The following NFIB variants were observed in gnomAD, a reference collection of about 807,000 sequenced individuals.
NFIB encodes nuclear factor 1 B-type.
In NFIB, 11 loss-of-function variants were observed where a neutral mutation model predicts 61.5. That is an observed-to-expected ratio of 0.18 (90% CI 0.11 to 0.30). NFIB has a LOEUF of 0.30. Among genes scored for constraint, NFIB ranks in the 10% least tolerant of loss-of-function variants. The pLI, the probability that NFIB is intolerant of heterozygous loss-of-function variation, is 1.00. For missense variants in NFIB, 471 were observed against 608.9 expected, an observed-to-expected ratio of 0.77 and a Z score of 2.38; for synonymous variants, 260 against 216.5, an observed-to-expected ratio of 1.20 and a Z score of -1.76.
intron 1 of NFIB, chr9:14,322,230 C>T (rs1381407149): frequency 1.1e-5 from 8 of 758,034 alleles, no homozygotes; most frequent in Non-Finnish European, 1.4e-5. Context: ...GTCTGGATTT[C>T]CAGCTTTCTT....
intron 2 of NFIB, among the ~76,000 whole-genome samples, chr9:14,254,181 G>A (rs1428107994): frequency 6.6e-6 from 1 of 151,930 alleles, no homozygotes; most frequent in African/African-American, 2.4e-5. Flanking sequence ...CACACCTGTA[G>A]TCCCAGCTAC....
intron 1 of NFIB, among the ~76,000 whole-genome samples, chr9:14,383,029 A>G (rs1188357553): frequency 1.3e-5 from 2 of 152,190 alleles, no homozygotes; most frequent in South Asian, 2.1e-4. Context: ...CTTGGCCTCA[A>G]TAAAACCAGT....
At chr9:14,460,694 G>A in the NFIB span, among the ~76,000 whole-genome samples, 1 of 152,094 alleles carries the variant, frequency 6.6e-6, no homozygotes, top group Non-Finnish European at 1.5e-5. Flanking sequence ...TTAGTATGCA[G>A]ATAATCCATT....
chr9:14,158,760 T>C (rs976502382), intron 3 of NFIB, among the ~76,000 whole-genome samples: 1 of 152,228 alleles, frequency 6.6e-6, no homozygotes, highest in African/African-American at 2.4e-5. Context: ...TTTAGGCTTT[T>C]GGGTCACATG....
At chr9:14,474,699 A>G in the NFIB span, among the ~76,000 whole-genome samples, 3 of 152,210 alleles carry the variant, frequency 2.0e-5, no homozygotes, top group Admixed American at 2.0e-4. Flanking sequence ...CTTTTAAAAT[A>G]CAGTGGGGGA....
At chr9:14,142,724 G>C (rs1236835411) in intron 6 of NFIB, among the ~76,000 whole-genome samples, 1 of 152,086 alleles carries the variant, frequency 6.6e-6, no homozygotes, top group Admixed American at 6.6e-5. Context: ...TGTTCAACTT[G>C]CCTGTTGACA....
chr9:14,207,397 T>G (rs577198264), intron 2 of NFIB, among the ~76,000 whole-genome samples: 1 of 151,414 alleles, frequency 6.6e-6, no homozygotes, highest in African/African-American at 2.4e-5. Flanking sequence ...AAGCCTCCCT[T>G]GAGTGGAGGC....
chr9:14,423,513 TAC>T, the NFIB span, among the ~76,000 whole-genome samples: 1 of 152,230 alleles, frequency 6.6e-6, no homozygotes, highest in Non-Finnish European at 1.5e-5. Context: ...CTTCTCTATT[TAC>T]ACAGGACAGA....
Position 14,087,817 on chromosome 9 carries a change from G to C in NFIB, c.*492C>G, listed in dbSNP as rs897021957. ...TTCGTTGGTGAGATAACCAGGAATAGTGATTCCATGCGTAAACAACAAGAA... is the reference window on the plus strand; with the variant it reads ...TTCGTTGGTGAGATAACCAGGAATACTGATTCCATGCGTAAACAACAAGAA... On this transcript the variant is annotated 3_prime_UTR_variant, in exon 11 of 11. Transcript: ENST00000380953. The C allele has an allele frequency of 9.0e-6, 2 of 222,260 alleles. No homozygotes were observed. The highest frequency in any genetic ancestry group is 6.5e-5 in the East Asian group (1 of 15,268). The allele number at this position is 222,260 out of a possible 1,614,324, so 13.8% of individuals were successfully genotyped here. A position where few individuals can be genotyped will look rare whatever the true frequency, so the allele number is the denominator to read the frequency against.
chr9:14,187,460 C>T (rs968241211), intron 2 of NFIB, among the ~76,000 whole-genome samples: 9 of 152,192 alleles, frequency 5.9e-5, no homozygotes, highest in Admixed American at 3.3e-4. Context: ...TTAAAATATA[C>T]GTTTGATTTA....
chr9:14,269,015 G>C (rs1016929841), intron 2 of NFIB, among the ~76,000 whole-genome samples: 3 of 152,056 alleles, frequency 2.0e-5, no homozygotes, highest in African/African-American at 7.2e-5. Context: ...ATTGTTTCAT[G>C]TAGTCCTTGT....
At chr9:14,372,089 G>A (rs1312586377) in intron 1 of NFIB, among the ~76,000 whole-genome samples, 1 of 151,812 alleles carries the variant, frequency 6.6e-6, no homozygotes, top group East Asian at 1.9e-4. Flanking sequence ...CGCACCATCT[G>A]AATGTCAGCC....
chr9:14,165,527 G>A (rs1563854067), intron 3 of NFIB, among the ~76,000 whole-genome samples: 1 of 152,142 alleles, frequency 6.6e-6, no homozygotes, highest in Non-Finnish European at 1.5e-5. Context: ...AAAGTCATAT[G>A]ACCATATCAA....
chr9:14,512,174 C>G, the NFIB span, among the ~76,000 whole-genome samples: 1 of 152,068 alleles, frequency 6.6e-6, no homozygotes, highest in Non-Finnish European at 1.5e-5. Context: ...GCGCTGGTCC[C>G]AAGATATGAT....
chr9:14,403,175 C>T (rs1466457280), upstream of NFIB, among the ~76,000 whole-genome samples: 1 of 152,174 alleles, frequency 6.6e-6, no homozygotes, highest in African/African-American at 2.4e-5. Flanking sequence ...ATACAGGCAC[C>T]TGGCTCTGCA....
the NFIB span, among the ~76,000 whole-genome samples, chr9:14,450,824 A>G: frequency 6.6e-6 from 1 of 152,258 alleles, no homozygotes; most frequent in Non-Finnish European, 1.5e-5. Flanking sequence ...AGATTCTCAT[A>G]TATTTCAGTT....
intron 2 of NFIB, among the ~76,000 whole-genome samples, chr9:14,238,705 G>A (rs2054047347): frequency 6.6e-6 from 1 of 152,006 alleles, no homozygotes. Context: ...GTATTTCATT[G>A]TGGACTCATG....
intron 2 of NFIB, among the ~76,000 whole-genome samples, chr9:14,301,873 A>G (rs2059771866): frequency 6.6e-6 from 1 of 152,234 alleles, no homozygotes; most frequent in Non-Finnish European, 1.5e-5. Flanking sequence ...GGAGCAAGAC[A>G]TGCCAATAAG....
intron 4 of NFIB, among the ~76,000 whole-genome samples, 157 bp from the exon 5 acceptor site, chr9:14,150,422 C>A (rs1417919407): frequency 6.6e-6 from 1 of 152,268 alleles, no homozygotes; most frequent in East Asian, 1.9e-4. Flanking sequence ...TGGGTAGGAC[C>A]TGAAAACTTG....
Sources: allele counts gnomAD v4.1 joint callset (sites outside exome capture counted in the v4.1 genomes callset), GRCh38; gene constraint gnomAD v4.1.1; transcripts MANE v1.5; gene names NCBI Gene and HGNC (gene_info 2026-07-23, HGNC 2026-07-21).